The following HHIPL1 variants were observed in gnomAD, a reference collection of about 807,000 sequenced individuals.
HHIPL1 encodes HHIP like 1.
Under a neutral mutation model 61.8 loss-of-function variants are expected in HHIPL1, and 43 were observed. The observed-to-expected ratio is 0.70, with a 90% CI of 0.55 to 0.90. The LOEUF is 0.90. HHIPL1 is among the 40% of genes least tolerant of loss of function. The pLI is 0.00. For synonymous variants in HHIPL1, 482 were observed against 515.8 expected (o/e 0.93, Z 0.89); for missense variants, 1,056 against 1,157.7 (o/e 0.91, Z 1.28).
chr14:99,627,113 C>T, the HHIPL1 span, among the ~76,000 whole-genome samples: 4 of 152,068 alleles, frequency 2.6e-5, no homozygotes, highest in East Asian at 1.9e-4. The surrounding 1 kb of genome is among the most constrained non-coding windows in gnomAD (Gnocchi z 4.4). Flanking sequence ...GCTATCCATC[C>T]GTCCATCCAT....
chr14:99,606,705 T>C, the HHIPL1 span, among the ~76,000 whole-genome samples: 1 of 152,220 alleles, frequency 6.6e-6, no homozygotes, highest in African/African-American at 2.4e-5. Flanking sequence ...AGTTCCTCTG[T>C]GGAGTCTTGA....
chr14:99,652,638 G>C lies in HHIPL1; in HGVS notation c.670G>C (p.Asp224His). Reference protein sequence around the residue: ...QVGLVWAYLPDRSRLGKPFLN... With the variant: ...QVGLVWAYLPHRSRLGKPFLN... ...GGGGCTGGTGTGGGCCTACCTGCCC[G>C]ACCGCTCGAGGCTGGGGAAGCCTTT... The change falls in exon 2 of 9, where the codon GAC (aspartate) becomes CAC (histidine). Residue 224 changes from aspartate to histidine, a missense_variant. Physicochemically the swap from Asp to His is moderately conservative, Grantham distance 81 (BLOSUM62 -1). Coordinates refer to ENST00000330710, the MANE Select transcript of HHIPL1 (RefSeq NM_001127258.3). 1 of 1,613,422 alleles carries C rather than the reference G, an allele frequency of 6.2e-7. No individual in the cohort carries two copies. Among genetic ancestry groups the C allele is most frequent in the Non-Finnish European group, 8.5e-7 (1 of 1,179,792 alleles).
At position 99,645,351 on chromosome 14, in the gene HHIPL1, C is replaced by A. The variant is rs1026078029; in HGVS notation, c.144C>A (p.Cys48Ter). 70 of 1,449,858 alleles carry A rather than the reference C, an allele frequency of 4.8e-5. No homozygotes were observed. The highest frequency in any genetic ancestry group is 7.7e-5 in the Admixed American group (3 of 38,894). 89.8% of individuals were successfully genotyped at this position (1,449,858 alleles called of 1,614,324 possible). A position where few individuals can be genotyped will look rare whatever the true frequency, so the allele number is the denominator to read the frequency against. Residue 48 changes from cysteine to a stop codon, truncating the protein, a stop_gained, in exon 1 of 9, where the codon TGC (cysteine) becomes TGA (stop). Transcript: ENST00000330710. LOFTEE classifies it high-confidence loss of function. ...LCAQYSDFGC[C>*]DEGRDAELTR... ...CGCAGTACTCGGACTTCGGCTGCTG[C>A]GATGAGGGGCGCGACGCCGAGCTGA...
intron 5 of HHIPL1, among the ~76,000 whole-genome samples, chr14:99,662,648 T>G (rs10873508): frequency 0.17 from 25,641 of 152,214 alleles, 2,491 homozygotes; most frequent in East Asian, 0.26. Context: ...CTTAATATGT[T>G]TTGGACAAGT....
the HHIPL1 span, among the ~76,000 whole-genome samples, chr14:99,627,131 C>CCCACCTACCCATCCATCCAT: frequency 6.6e-6 from 1 of 150,812 alleles, no homozygotes; most frequent in African/African-American, 2.4e-5. The surrounding 1 kb of genome is among the most constrained non-coding windows in gnomAD (Gnocchi z 4.4). Flanking sequence ...CATCCATCCA[C>CCCACCTACCCATCCATCCAT]CCACCTACCC....
the HHIPL1 span, among the ~76,000 whole-genome samples, chr14:99,614,815 G>A: frequency 2.2e-4 from 33 of 152,266 alleles, no homozygotes; most frequent in Admixed American, 1.0e-3. Flanking sequence ...CCAGGATAGC[G>A]TTCACTTAAT....
At chr14:99,612,821 C>T in the HHIPL1 span, among the ~76,000 whole-genome samples, 1 of 152,158 alleles carries the variant, frequency 6.6e-6, no homozygotes, top group African/African-American at 2.4e-5. Flanking sequence ...GGTCAGGTAC[C>T]TCCAGCCCCC....
In HHIPL1 at chr14:99,668,553, CTG is replaced by C. The variant is rs1417526121; in HGVS notation, c.1730+251_1730+252del. Among the ~76,000 whole-genome samples, 2 of 152,130 alleles carry C rather than the reference CTG, an allele frequency of 1.3e-5. No homozygotes were observed. The highest frequency in any genetic ancestry group is 2.9e-5 in the Non-Finnish European group (2 of 68,004). On this transcript the variant is annotated intron_variant, in intron 7 of 8. Coordinates refer to ENST00000330710, the MANE Select transcript of HHIPL1 (RefSeq NM_001127258.3). This position sits in a 1 kb window ranked among gnomAD's most constrained non-coding sequence, Gnocchi z 4.7. ...GGATAGGAGGGAGCTGGAGAGGTGA[CTG>C]GGGCCGCGGGCCGAGGCTTCACTTG...
intron 6 of HHIPL1, among the ~76,000 whole-genome samples, chr14:99,665,082 C>T (rs1008291948): frequency 6.6e-5 from 10 of 152,022 alleles, no homozygotes; most frequent in Admixed American, 6.6e-5. Context: ...TGCCGCCACA[C>T]CCGGCTAATT....
the HHIPL1 span, among the ~76,000 whole-genome samples, chr14:99,635,237 A>G: frequency 6.6e-6 from 1 of 152,128 alleles, no homozygotes; most frequent in Non-Finnish European, 1.5e-5. Context: ...GCGTCCAGGG[A>G]ACATGGAGAG....
chr14:99,608,396 T>G, the HHIPL1 span, among the ~76,000 whole-genome samples: 2 of 152,214 alleles, frequency 1.3e-5, no homozygotes, highest in Admixed American at 6.5e-5. Context: ...ATAATAAACC[T>G]ATGAGGAGGT....
the HHIPL1 span, among the ~76,000 whole-genome samples, chr14:99,615,834 G>A: frequency 1.3e-5 from 2 of 152,204 alleles, no homozygotes; most frequent in Non-Finnish European, 2.9e-5. Flanking sequence ...GGAGGCTCCC[G>A]GAGGAACTGC....
intron 2 of HHIPL1, among the ~76,000 whole-genome samples, chr14:99,655,031 G>T (rs963498660): frequency 6.6e-6 from 1 of 152,202 alleles, no homozygotes; most frequent in Non-Finnish European, 1.5e-5. Context: ...TTGACTCACT[G>T]TTGGGGAAAG....
At chr14:99,672,954 A>G (rs2056341307) in intron 8 of HHIPL1, among the ~76,000 whole-genome samples, 3 of 152,188 alleles carry the variant, frequency 2.0e-5, no homozygotes, top group Admixed American at 1.3e-4. Flanking sequence ...CCATCCACTC[A>G]TTCACCACGG....
At chr14:99,656,775 CAAAA>C (rs34543800) in intron 2 of HHIPL1, among the ~76,000 whole-genome samples, 2 of 3,670 alleles carry the variant, frequency 5.4e-4, no homozygotes, top group Non-Finnish European at 0.012. Context: ...ACTCTGTCTG[CAAAA>C]AGAAAAGAAA....
chr14:99,648,101 A>G (rs12890020), intron 1 of HHIPL1, among the ~76,000 whole-genome samples: 28,859 of 152,074 alleles, frequency 0.19, 3,150 homozygotes, highest in East Asian at 0.27. Context: ...GGGCCCAAAA[A>G]CAGTTGGCAA....
In HHIPL1 at chr14:99,659,887, C is replaced by T. The variant is rs1595159789; in HGVS notation, c.1375+131C>T. ...AGATCCCTGACCCTGAGTCTGTCCT[C>T]GGCCCCACTCTATGGGCTGTGCGGC... is the stretch of plus-strand genomic sequence containing the variant. On this transcript the variant is annotated intron_variant, in intron 4 of 8. Coordinates refer to ENST00000330710, the MANE Select transcript of HHIPL1 (RefSeq NM_001127258.3). The T allele has an allele frequency of 1.0e-5, 7 of 674,796 alleles. No individual in the cohort carries two copies. In the East Asian group the frequency reaches 2.4e-4, roughly 23 times the overall value. 41.8% of individuals were successfully genotyped at this position (674,796 alleles called of 1,614,324 possible).
chr14:99,630,490 G>T, the HHIPL1 span, among the ~76,000 whole-genome samples: 1 of 152,222 alleles, frequency 6.6e-6, no homozygotes, highest in Non-Finnish European at 1.5e-5. Flanking sequence ...GCATCCCTGA[G>T]CCTCAGTTTT....
chr14:99,675,664 G>C lies in HHIPL1; in HGVS notation c.*38G>C. On this transcript the variant is annotated 3_prime_UTR_variant, in exon 9 of 9. Transcript: ENST00000330710. This position sits in a 1 kb window ranked among gnomAD's most constrained non-coding sequence, Gnocchi z 5.4. ...TGCCCCAGGCCATCCCGCCGGCGGGGGAGCCTGGCAGGGGCCGCTCCGCCC... is the reference window on the plus strand; with the variant it reads ...TGCCCCAGGCCATCCCGCCGGCGGGCGAGCCTGGCAGGGGCCGCTCCGCCC... The C allele has an allele frequency of 1.4e-6, 2 of 1,471,974 alleles. No homozygotes were observed. The highest frequency in any genetic ancestry group is 1.8e-6 in the Non-Finnish European group (2 of 1,112,062). 91.2% of individuals were successfully genotyped at this position (1,471,974 alleles called of 1,614,324 possible).
Sources: gnomAD v4.1 joint callset for allele counts (sites outside exome capture counted in the v4.1 genomes callset) on GRCh38, gnomAD v4.1.1 for gene constraint, Gnocchi (gnomAD v3.1) non-coding constraint, MANE v1.5 for transcripts, NCBI Gene and HGNC (gene_info 2026-07-23, HGNC 2026-07-21) for gene names.